CTSS: variants seen among roughly 807,000 people sequenced by gnomAD.
The protein encoded by CTSS is cathepsin S.
CTSS carries 15 observed loss-of-function variants against 39.9 expected under a neutral mutation model. The observed-to-expected ratio is 0.38, with a 90% CI of 0.25 to 0.58. The LOEUF (loss-of-function observed/expected upper bound fraction) is 0.58. CTSS is among the 20% of genes least tolerant of loss of function. The probability of loss-of-function intolerance (pLI) is 0.70; values close to 1 mark genes in which losing one functional copy is unlikely to be tolerated. For missense variants in CTSS, 250 were observed against 398.2 expected (o/e 0.63, Z 3.17); for synonymous variants, 126 against 138.2 (o/e 0.91, Z 0.62).
At chr1:150,759,224 A>G (rs1415963081) in intron 2 of CTSS, among the ~76,000 whole-genome samples, 1 of 151,852 alleles carries the variant, frequency 6.6e-6, no homozygotes, top group Non-Finnish European at 1.5e-5. Context: ...ATCTGGGTGT[A>G]GGTTTCTTTA....
intron 7 of CTSS, among the ~76,000 whole-genome samples, chr1:150,738,668 C>T (rs1015411495): frequency 6.6e-6 from 1 of 151,814 alleles, no homozygotes; most frequent in Non-Finnish European, 1.5e-5. Context: ...AAAAAACTAT[C>T]TGTAGAGACA....
chr1:150,730,371 T>G lies in CTSS; in HGVS notation c.*2675A>C, dbSNP rs1188390716. The stretch of plus-strand genomic sequence containing the variant: ...TGTGAACAAGCTAAATGTAATAAAC[T>G]GGGGGAAACTGAGAGGCCTGTTTGT... On this transcript the variant is annotated 3_prime_UTR_variant, in exon 8 of 8. Coordinates refer to ENST00000368985, the MANE Select transcript of CTSS (RefSeq NM_004079.5). 6.6e-6 allele frequency: 1 copy of G among 152,166 alleles called. No homozygotes were observed. The highest frequency in any genetic ancestry group is 1.5e-5 in the Non-Finnish European group (1 of 68,022). The allele number at this position is 152,166 out of a possible 1,614,324, so 9.4% of individuals were successfully genotyped here.
intron 2 of CTSS, among the ~76,000 whole-genome samples, chr1:150,758,242 G>A (rs1394216805): frequency 5.3e-5 from 8 of 152,008 alleles, no homozygotes; most frequent in Non-Finnish European, 1.2e-4. Flanking sequence ...TAGAGACGGG[G>A]TTTCGTCATG....
intron 1 of CTSS, among the ~76,000 whole-genome samples, chr1:150,765,182 T>C (rs1408868191): frequency 2.0e-5 from 3 of 152,062 alleles, no homozygotes. Context: ...ATACATGGGC[T>C]CTTCTTAACT....
intron 7 of CTSS, among the ~76,000 whole-genome samples, chr1:150,746,985 G>A (rs907010799): frequency 6.6e-6 from 1 of 152,128 alleles, no homozygotes; most frequent in African/African-American, 2.4e-5. Flanking sequence ...ATGGATTTGA[G>A]GGTAAAGGGG....
In CTSS at chr1:150,731,636, A is replaced by T. The variant is rs1652524164; in HGVS notation, c.*1410T>A. On this transcript the variant is annotated 3_prime_UTR_variant, in exon 8 of 8. Transcript: ENST00000368985. ...CATAGACATGAACTTAAAAAATTTAAAGTTCCTGCTGCCTGCTTAGATGCA... is the reference window on the plus strand; with the variant it reads ...CATAGACATGAACTTAAAAAATTTATAGTTCCTGCTGCCTGCTTAGATGCA... The T allele has an allele frequency of 6.6e-6, 1 of 152,158 alleles. No homozygotes were observed. The highest frequency in any genetic ancestry group is 2.1e-4 in the South Asian group (1 of 4,820). The allele number at this position is 152,158 out of a possible 1,614,324, so 9.4% of individuals were successfully genotyped here.
intron 7 of CTSS, among the ~76,000 whole-genome samples, chr1:150,742,926 T>C (rs1652798946): frequency 6.6e-6 from 1 of 151,986 alleles, no homozygotes; most frequent in South Asian, 2.1e-4. Context: ...TGTGTATATG[T>C]TGGTAGTAGG....
At chr1:150,752,712 C>T (rs587635778) in intron 4 of CTSS, among the ~76,000 whole-genome samples, 128 of 152,300 alleles carry the variant, frequency 8.4e-4, no homozygotes, top group African/African-American at 3.0e-3. Flanking sequence ...TTAACTTACT[C>T]AGAGTTAACA....
chr1:150,753,001 G>A (rs1317764771), intron 4 of CTSS, among the ~76,000 whole-genome samples: 1 of 151,846 alleles, frequency 6.6e-6, no homozygotes, highest in Non-Finnish European at 1.5e-5. Flanking sequence ...CTACAGGAGC[G>A]CACCATGCCT....
chr1:150,763,842 C>T (rs890426606), intron 2 of CTSS, among the ~76,000 whole-genome samples: 1 of 152,160 alleles, frequency 6.6e-6, no homozygotes, highest in African/African-American at 2.4e-5. Context: ...AACGCCTTTT[C>T]GCTCCTCAGC....
intron 5 of CTSS, among the ~76,000 whole-genome samples, chr1:150,751,346 C>G (rs1266342108): frequency 6.6e-6 from 1 of 152,094 alleles, no homozygotes; most frequent in African/African-American, 2.4e-5. Flanking sequence ...CTCCTGAGTT[C>G]AAGCGATTCT....
intron 2 of CTSS, among the ~76,000 whole-genome samples, chr1:150,761,055 G>A (rs587667515): frequency 4.6e-5 from 7 of 151,432 alleles, no homozygotes; most frequent in African/African-American, 7.3e-5. Flanking sequence ...GGCGTGTGCC[G>A]GTAATCCCAG....
intron 7 of CTSS, among the ~76,000 whole-genome samples, chr1:150,743,640 AT>A (rs1652822877): frequency 2.4e-5 from 2 of 82,602 alleles, no homozygotes; most frequent in African/African-American, 3.5e-5. Flanking sequence ...TACATAATAT[AT>A]TATATATGTA....
At position 150,750,134 on chromosome 1, in the gene CTSS, G is replaced by C. The variant is rs1157409154; in HGVS notation, c.665C>G (p.Ala222Gly). The change falls in exon 6 of 8, where the codon GCC becomes GGC. Residue 222 changes from alanine to glycine, a missense_variant. By Grantham distance (60) the Ala-to-Gly change is moderately conservative (BLOSUM62 0). Transcript: ENST00000368985. ...AAGTTCAGTGTACTTTGAACATGTGGCAGCACGATATTTTGAGTCATATTG... is the reference window on the plus strand; with the variant it reads ...AAGTTCAGTGTACTTTGAACATGTGCCAGCACGATATTTTGAGTCATATTG... ...KCQYDSKYRAATCSKYTELPY... is the reference protein window; with the variant it reads ...KCQYDSKYRAGTCSKYTELPY... 1 of 1,613,156 alleles carries C rather than the reference G, an allele frequency of 6.2e-7. No individual in the cohort carries two copies. The highest frequency in any genetic ancestry group is 1.1e-5 in the South Asian group (1 of 91,048).
chr1:150,764,701 A>C lies in CTSS; in HGVS notation c.63T>G (p.Asp21Glu). The change falls in exon 2 of 8, where the codon GAT becomes GAG. Residue 21 changes from aspartate to glutamate, a missense_variant. Coordinates refer to ENST00000368985, the MANE Select transcript of CTSS (RefSeq NM_004079.5). ...CSSAVAQLHK[D>E]PTLDHHWHLW... ...GATGCCAGTGGTGATCCAGGGTAGGATCTTTATGCAACTGTGCCACTGCAG... is the reference window on the plus strand; with the variant it reads ...GATGCCAGTGGTGATCCAGGGTAGGCTCTTTATGCAACTGTGCCACTGCAG... 1 of 1,614,170 alleles carries C rather than the reference A, an allele frequency of 6.2e-7. No individual in the cohort carries two copies. Among genetic ancestry groups the C allele is most frequent in the African/African-American group, 1.3e-5 (1 of 75,048 alleles).
intron 7 of CTSS, among the ~76,000 whole-genome samples, chr1:150,737,677 G>T (rs1652664028): frequency 6.6e-6 from 1 of 152,132 alleles, no homozygotes. Flanking sequence ...TAGGCATTAG[G>T]ATTACAGAGA....
intron 4 of CTSS, among the ~76,000 whole-genome samples, chr1:150,754,431 T>C (rs1433372198): frequency 1.6e-5 from 1 of 60,824 alleles, no homozygotes; most frequent in African/African-American, 4.9e-5. Flanking sequence ...ATACTTTACC[T>C]TTTTTTTTTT....
At chr1:150,747,417 G>A (rs1251819659) in intron 7 of CTSS, among the ~76,000 whole-genome samples, 1 of 152,088 alleles carries the variant, frequency 6.6e-6, no homozygotes, top group African/African-American at 2.4e-5. Context: ...CCTAAGAGTG[G>A]AATTATAGCA....
chr1:150,757,733 G>C (rs2101924742), intron 3 of CTSS, 125 bp downstream of exon 3: 1 of 897,438 alleles, frequency 1.1e-6, no homozygotes, highest in Admixed American at 3.1e-5. Context: ...CAATTCTACT[G>C]TTTTCCAACT....
Sources: gnomAD v4.1 joint callset for allele counts (sites outside exome capture counted in the v4.1 genomes callset) on GRCh38, gnomAD v4.1.1 for gene constraint, MANE v1.5 for transcripts, NCBI Gene and HGNC (gene_info 2026-07-23, HGNC 2026-07-21) for gene names.